PARD3B: variants seen among roughly 807,000 people sequenced by gnomAD.
PARD3B encodes par-3 family cell polarity regulator beta.
A neutral mutation model predicts 130.2 loss-of-function variants in PARD3B; 103 were observed. The observed-to-expected ratio is 0.79, with a 90% confidence interval of 0.67 to 0.93. PARD3B has a LOEUF of 0.93. Ranked by LOEUF, PARD3B falls within the 40% of genes least tolerant of loss-of-function variation. The pLI, the probability that PARD3B is intolerant of heterozygous loss-of-function variation, is 0.00. For missense variants in PARD3B, 1,609 were observed against 1,499.2 expected (o/e 1.07, Z -1.21); for synonymous variants, 583 against 553.2 (o/e 1.05, Z -0.76).
At chr2:205,037,483 CTATA>C (rs1459651008) in intron 3 of PARD3B, among the ~76,000 whole-genome samples, 18 of 145,674 alleles carry the variant, frequency 1.2e-4, no homozygotes, top group Non-Finnish European at 1.9e-4. Flanking sequence ...ATATAGTGGA[CTATA>C]TATATAAAAT....
At chr2:205,099,613 C>T (rs563629181) in intron 4 of PARD3B, among the ~76,000 whole-genome samples, 2 of 151,910 alleles carry the variant, frequency 1.3e-5, no homozygotes, top group East Asian at 3.9e-4. Context: ...TTTTATGTAC[C>T]CTGTTAAGAG....
chr2:205,550,962 TATATATATATATATAC>T lies in PARD3B; in HGVS notation c.3181-2360_3181-2345del, dbSNP rs2052610268. Reference sequence around the variant, plus strand: ...GTGTGTATATATATATGTGTATATATATATATATATATATACACACACACACACACACACACACACA... The same window carrying T: ...GTGTGTATATATATATGTGTATATATACACACACACACACACACACACACA... On this transcript the variant is annotated intron_variant, in intron 21 of 22. Transcript: ENST00000406610. The surrounding 1 kb of genome is among the most constrained non-coding windows in gnomAD (Gnocchi z 4.5). Among the ~76,000 whole-genome samples the T allele has an allele frequency of 7.5e-5, 8 of 107,028 alleles. No homozygotes were observed. In the South Asian group the frequency reaches 1.4e-3, roughly 19 times the overall value. The allele number at this position is 107,028 out of a possible 152,430, so 70.2% of individuals were successfully genotyped here.
At chr2:205,196,214 A>G (rs960661713) in intron 15 of PARD3B, among the ~76,000 whole-genome samples, 9 of 152,218 alleles carry the variant, frequency 5.9e-5, no homozygotes, top group Non-Finnish European at 1.0e-4. Flanking sequence ...TCCACATCAC[A>G]TATCATTTCT....
chr2:205,141,750 A>G (rs2032973250), intron 10 of PARD3B, among the ~76,000 whole-genome samples: 1 of 152,242 alleles, frequency 6.6e-6, no homozygotes, highest in Admixed American at 6.5e-5. Context: ...TAATGTTCCA[A>G]AATACCATTT....
chr2:204,912,543 C>A (rs1286192234), intron 2 of PARD3B, among the ~76,000 whole-genome samples: 1 of 152,086 alleles, frequency 6.6e-6, no homozygotes, highest in Non-Finnish European at 1.5e-5. Context: ...TTTAAAAGTG[C>A]GAAGTATACA....
chr2:204,758,276 A>G (rs1403891960), intron 2 of PARD3B, among the ~76,000 whole-genome samples: 1 of 152,174 alleles, frequency 6.6e-6, no homozygotes, highest in Non-Finnish European at 1.5e-5. Context: ...AAAACAAGTC[A>G]TGTGCCCAAG....
intron 20 of PARD3B, among the ~76,000 whole-genome samples, chr2:205,498,509 A>C (rs1299545314): frequency 6.6e-6 from 1 of 152,174 alleles, no homozygotes; most frequent in Non-Finnish European, 1.5e-5. Flanking sequence ...CTCAAAAAAA[A>C]AAAAGAACTT....
Position 205,529,938 on chromosome 2 carries a change from C to T in PARD3B, c.3181-23386C>T, listed in dbSNP as rs75167157. Among the ~76,000 whole-genome samples the T allele has an allele frequency of 4.7e-3, 714 of 152,230 alleles. 10 individuals are homozygous for T. The East Asian group carries it at 0.064, about 14-fold the overall frequency. Reference sequence around the variant, plus strand: ...CTCTGGTGTGGACTTAGAGCAATTACCCACCTGGTCTCCATCTGGTAGCAT... The same window carrying T: ...CTCTGGTGTGGACTTAGAGCAATTATCCACCTGGTCTCCATCTGGTAGCAT... On this transcript the variant is annotated intron_variant, in intron 21 of 22. Transcript: ENST00000406610.
chr2:205,062,569 G>T (rs1017166164), intron 4 of PARD3B, among the ~76,000 whole-genome samples: 1 of 152,192 alleles, frequency 6.6e-6, no homozygotes, highest in African/African-American at 2.4e-5. Context: ...TGAGGATGGA[G>T]AATGTATTGT....
intron 2 of PARD3B, among the ~76,000 whole-genome samples, chr2:204,884,482 C>T (rs981589094): frequency 6.6e-6 from 1 of 151,854 alleles, no homozygotes; most frequent in Non-Finnish European, 1.5e-5. Flanking sequence ...TTCTGAGGTA[C>T]GTGTACAGGA....
intron 18 of PARD3B, among the ~76,000 whole-genome samples, chr2:205,395,398 C>A (rs2045991471): frequency 6.6e-6 from 1 of 152,200 alleles, no homozygotes; most frequent in Non-Finnish European, 1.5e-5. Flanking sequence ...CTTCTTGCAG[C>A]ATTCTTTAAA....
intron 15 of PARD3B, among the ~76,000 whole-genome samples, chr2:205,197,028 G>GT (rs1559532527): frequency 1.2e-3 from 11 of 9,486 alleles, no homozygotes; most frequent in African/African-American, 5.1e-3. Flanking sequence ...CACTGTGGGG[G>GT]GGGGGTGTGT....
intron 1 of PARD3B, among the ~76,000 whole-genome samples, chr2:204,595,478 G>T (rs2125099077): frequency 6.6e-6 from 1 of 152,334 alleles, no homozygotes; most frequent in South Asian, 2.1e-4. Context: ...CATCAGTGCT[G>T]GTGACACTGC....
At chr2:205,524,530 C>T (rs973220711) in intron 21 of PARD3B, among the ~76,000 whole-genome samples, 2 of 152,278 alleles carry the variant, frequency 1.3e-5, no homozygotes, top group Non-Finnish European at 2.9e-5. Context: ...TTCTTTTTGG[C>T]CCAGCCGTCT....
chr2:205,521,848 T>G (rs1050385249), intron 21 of PARD3B, among the ~76,000 whole-genome samples: 11 of 152,090 alleles, frequency 7.2e-5, no homozygotes, highest in African/African-American at 2.4e-4. Context: ...TTTCTATGCT[T>G]TGTAACAATG....
chr2:204,727,653 G>T (rs2039295956), intron 2 of PARD3B, among the ~76,000 whole-genome samples: 1 of 152,180 alleles, frequency 6.6e-6, no homozygotes, highest in South Asian at 2.1e-4. Context: ...AAAGAAACAG[G>T]AATTTATGCT....
chr2:204,988,655 T>G (rs971417795), intron 3 of PARD3B, among the ~76,000 whole-genome samples: 5 of 152,150 alleles, frequency 3.3e-5, no homozygotes, highest in African/African-American at 9.7e-5. Context: ...AATAAATGAA[T>G]TTGTGACCTA....
At chr2:205,162,933 T>C (rs757308181) in intron 11 of PARD3B, among the ~76,000 whole-genome samples, 5 of 152,348 alleles carry the variant, frequency 3.3e-5, no homozygotes, top group South Asian at 2.1e-4. Context: ...TTGCTTTTCA[T>C]GTACCATATT....
intron 18 of PARD3B, among the ~76,000 whole-genome samples, chr2:205,365,101 A>T (rs1177528109): frequency 3.3e-5 from 5 of 150,716 alleles, no homozygotes; most frequent in South Asian, 4.2e-4. Flanking sequence ...TTGGGAGGCT[A>T]AGGCAGGAGA....
Sources: allele counts gnomAD v4.1 joint callset (sites outside exome capture counted in the v4.1 genomes callset), GRCh38; gene constraint gnomAD v4.1.1; non-coding constraint Gnocchi (gnomAD v3.1); transcripts MANE v1.5; gene names NCBI Gene and HGNC (gene_info 2026-07-23, HGNC 2026-07-21).